The following ZNF169 variants were observed in gnomAD, a reference collection of about 807,000 sequenced individuals.
The protein encoded by ZNF169 is zinc finger protein 169.
Under a neutral mutation model 12.0 loss-of-function variants are expected in ZNF169, and 11 were observed. The observed-to-expected ratio is 0.92, with a 90% confidence interval of 0.58 to 1.52. The LOEUF is 1.52. Among genes scored for constraint, ZNF169 ranks in the 40% most tolerant of loss-of-function variants. ZNF169 has a pLI of 0.00. For missense variants in ZNF169, 722 were observed against 744.0 expected (o/e 0.97, Z 0.34); for synonymous variants, 302 against 286.5 (o/e 1.05, Z -0.55).
chr9:94,259,964 A>G (rs564627705), intron 1 of ZNF169, among the ~76,000 whole-genome samples: 47 of 152,208 alleles, frequency 3.1e-4, no homozygotes, highest in Middle Eastern at 3.4e-3. Context: ...CAGTGGCGCA[A>G]TCTCGGTTCA....
rs896875937 is a variant in ZNF169 at position 94,265,260 on chromosome 9, G to T, written c.-56+5915G>T. The stretch of plus-strand genomic sequence containing the variant: ...TTCTGTAACCGGTTACAGGGAGAAG[G>T]CCTGGGAATCATCACAAAACTCAAA... On this transcript the variant is annotated intron_variant, in intron 1 of 4. Coordinates refer to ENST00000395395, the MANE Select transcript of ZNF169 (RefSeq NM_194320.4). Among the ~76,000 whole-genome samples the T allele has an allele frequency of 7.2e-5, 11 of 151,910 alleles. No homozygotes were observed. In the South Asian group the frequency reaches 1.7e-3, roughly 23 times the overall value.
chr9:94,290,287 A>G (rs7857240), intron 2 of ZNF169, among the ~76,000 whole-genome samples: 71,698 of 152,038 alleles, frequency 0.47, 17,041 homozygotes, highest in Admixed American at 0.55. Context: ...TTGACTATAT[A>G]TTTTTACAAT....
intron 1 of ZNF169, among the ~76,000 whole-genome samples, chr9:94,276,259 T>C (rs998610753): frequency 3.3e-5 from 5 of 152,070 alleles, no homozygotes; most frequent in Non-Finnish European, 7.4e-5. Context: ...TTACAGTTGA[T>C]TGGGGTCTCT....
chr9:94,278,891 ATCTTT>A (rs1184084985), intron 2 of ZNF169, 46 bp downstream of exon 2: 1 of 1,606,172 alleles, frequency 6.2e-7, no homozygotes, highest in African/African-American at 1.3e-5. Context: ...AGGTTTCATA[ATCTTT>A]TCTTGTCCTG....
At chr9:94,297,087 T>G (rs1830968782) in intron 4 of ZNF169, among the ~76,000 whole-genome samples, 1 of 151,902 alleles carries the variant, frequency 6.6e-6, no homozygotes, top group Non-Finnish European at 1.5e-5. Flanking sequence ...CCATCTTTGC[T>G]TTTTTTTGCA....
chr9:94,287,861 G>T, intron 2 of ZNF169: 1 of 1,026,758 alleles, frequency 9.7e-7, no homozygotes, highest in South Asian at 1.3e-5. Context: ...AGAAGTAGGC[G>T]TCAGGGTCGA....
At chr9:94,277,721 GGA>G (rs1234960427) in intron 1 of ZNF169, among the ~76,000 whole-genome samples, 1 of 151,906 alleles carries the variant, frequency 6.6e-6, no homozygotes, top group Non-Finnish European at 1.5e-5. Context: ...CACGAGGTCA[GGA>G]GATCGAGACC....
intron 1 of ZNF169, among the ~76,000 whole-genome samples, chr9:94,275,098 A>G (rs1353287726): frequency 1.3e-5 from 2 of 152,132 alleles, no homozygotes; most frequent in African/African-American, 4.8e-5. Context: ...ATAGCCAGGC[A>G]TGGTGGCACA....
intron 2 of ZNF169, among the ~76,000 whole-genome samples, chr9:94,286,874 C>G (rs1302666376): frequency 1.3e-5 from 2 of 152,180 alleles, no homozygotes; most frequent in South Asian, 4.1e-4. Context: ...GCAGAAAAGA[C>G]ACAGTGAACC....
At chr9:94,270,726 ATATTATATAATTAATG>A (rs1830381606) in intron 1 of ZNF169, among the ~76,000 whole-genome samples, 1 of 18,772 alleles carries the variant, frequency 5.3e-5, no homozygotes, top group African/African-American at 7.7e-5. Context: ...ATAATATTAT[ATATTATATAATTAATG>A]TATTTATATA....
intron 1 of ZNF169, among the ~76,000 whole-genome samples, chr9:94,278,054 A>G (rs1323698152): frequency 6.6e-6 from 1 of 152,198 alleles, no homozygotes; most frequent in African/African-American, 2.4e-5. Context: ...TTTGTGCAAG[A>G]CAGGATCCAG....
At chr9:94,296,693 G>T in intron 4 of ZNF169, 2 of 453,310 alleles carry the variant, frequency 4.4e-6, no homozygotes, top group Non-Finnish European at 8.9e-6. Flanking sequence ...GTCTATACCT[G>T]GACTCTATGT....
At position 94,301,237 on chromosome 9, in the gene ZNF169, A is replaced by G; in HGVS notation, c.1679A>G (p.His560Arg). 1 of 1,614,082 alleles carries G rather than the reference A, an allele frequency of 6.2e-7. No individual in the cohort carries two copies. The highest frequency in any genetic ancestry group is 1.1e-5 in the South Asian group (1 of 91,074). ...GGCTTTAAGTCTGCCCTCATCCGAC[A>G]TCAGCGGACCCATTCTGGGGAGAAG... The part of the protein sequence containing the change: ...GFGFKSALIR[H>R]QRTHSGEKPY... Residue 560 changes from histidine to arginine, a missense_variant, in exon 5 of 5, where the codon CAT becomes CGT. By Grantham distance (29) the His-to-Arg change is conservative (BLOSUM62 0). Coordinates refer to ENST00000395395, the MANE Select transcript of ZNF169 (RefSeq NM_194320.4).
At position 94,300,058 on chromosome 9, in the gene ZNF169, C is replaced by T; in HGVS notation, c.500C>T (p.Pro167Leu). The T allele has an allele frequency of 1.2e-6, 2 of 1,614,048 alleles. No homozygotes were observed. Among genetic ancestry groups the T allele is most frequent in the Non-Finnish European group, 1.7e-6 (2 of 1,180,022 alleles). ...AGAATTTCTAGGACATTCTTCAGCC[C>T]ACATCAAGGTGACCCAGTAGAATGG... ...PSRISRTFFS[P>L]HQGDPVEWVE... Residue 167 changes from proline (P) to leucine (L), a missense_variant, in exon 5 of 5, where the codon CCA becomes CTA. Pro to Leu is a moderately conservative substitution (Grantham distance 98). Transcript: ENST00000395395.
intron 1 of ZNF169, among the ~76,000 whole-genome samples, chr9:94,265,499 G>C (rs1309167141): frequency 3.3e-5 from 5 of 151,674 alleles, no homozygotes; most frequent in African/African-American, 1.2e-4. Context: ...AGACTCACTT[G>C]AGCCCGGGAG....
chr9:94,289,422 T>A (rs975433635), intron 2 of ZNF169, among the ~76,000 whole-genome samples: 1 of 151,782 alleles, frequency 6.6e-6, no homozygotes. Flanking sequence ...AAAAGCAAGC[T>A]GGTAAAACGA....
intron 4 of ZNF169, among the ~76,000 whole-genome samples, chr9:94,296,090 G>A (rs1830945175): frequency 6.6e-6 from 1 of 152,170 alleles, no homozygotes; most frequent in Admixed American, 6.6e-5. Context: ...GTAGTGAGTG[G>A]CATCTTACCG....
chr9:94,301,409 A>C lies in ZNF169; in HGVS notation c.*39A>C. ...CGTGAGTGTGAAGCTGGCAGAAATC[A>C]CTAGTAAATGCTTCAGTTTCCTGAA... is the stretch of plus-strand genomic sequence containing the variant. On this transcript the variant is annotated 3_prime_UTR_variant, in exon 5 of 5. Coordinates refer to ENST00000395395, the MANE Select transcript of ZNF169 (RefSeq NM_194320.4). The C allele has an allele frequency of 6.6e-7, 1 of 1,520,528 alleles. No homozygotes were observed. Among genetic ancestry groups the C allele is most frequent in the Non-Finnish European group, 8.8e-7 (1 of 1,134,226 alleles). 94.2% of individuals were successfully genotyped at this position (1,520,528 alleles called of 1,614,324 possible).
At chr9:94,297,103 T>C (rs966429030) in intron 4 of ZNF169, among the ~76,000 whole-genome samples, 2 of 150,574 alleles carry the variant, frequency 1.3e-5, no homozygotes, top group Non-Finnish European at 2.9e-5. Flanking sequence ...TTGCAAGTTC[T>C]TTTCGTTATT....
Sources: allele counts gnomAD v4.1 joint callset (sites outside exome capture counted in the v4.1 genomes callset), GRCh38; gene constraint gnomAD v4.1.1; transcripts MANE v1.5; gene names NCBI Gene and HGNC (gene_info 2026-07-23, HGNC 2026-07-21).